The following DNAH11 variants were observed in gnomAD, a reference collection of about 807,000 sequenced individuals.
DNAH11 encodes the protein dynein axonemal heavy chain 11, also known as axonemal beta dynein heavy chain 11.
Under a neutral mutation model 526.0 loss-of-function variants are expected in DNAH11, and 442 were observed. The observed-to-expected ratio is 0.84, with a 90% CI of 0.78 to 0.91. The LOEUF is 0.91. DNAH11 is among the 40% of genes least tolerant of loss of function. The pLI is 0.00. For synonymous variants in DNAH11, 2,461 were observed against 1,935.9 expected (o/e 1.27, Z -7.12); for missense variants, 6,989 against 5,448.7 (o/e 1.28, Z -8.90).
intron 30 of DNAH11, 35 bp downstream of exon 30, chr7:21,659,066 G>C (rs763132193): frequency 6.8e-7 from 1 of 1,475,388 alleles, no homozygotes; most frequent in South Asian, 1.3e-5. Flanking sequence ...AGACATAAAG[G>C]AACTTCAAGA....
chr7:21,607,026 G>A (rs1423809910), intron 20 of DNAH11, among the ~76,000 whole-genome samples: 2 of 152,116 alleles, frequency 1.3e-5, no homozygotes, highest in Non-Finnish European at 2.9e-5. Flanking sequence ...ACCATCACAA[G>A]GCGAAGTCCC....
Position 21,719,250 on chromosome 7 carries a change from A to G in DNAH11, c.7134+1325A>G, listed in dbSNP as rs17145127. Among the ~76,000 whole-genome samples the G allele has an allele frequency of 9.0e-3, 1,370 of 152,312 alleles. 14 individuals carry two copies. The highest frequency in any genetic ancestry group is 0.016 in the African/African-American group (681 of 41,564). On this transcript the variant is annotated intron_variant, in intron 43 of 81. Coordinates refer to ENST00000409508, the MANE Select transcript of DNAH11 (RefSeq NM_001277115.2). ...TTACTAATAAGTATGGAAATTTGAGACAAAAATGGGTATAAGAAGATAGTG... is the reference window on the plus strand; with the variant it reads ...TTACTAATAAGTATGGAAATTTGAGGCAAAAATGGGTATAAGAAGATAGTG...
intron 1 of DNAH11, among the ~76,000 whole-genome samples, chr7:21,544,735 T>G (rs1322695622): frequency 6.6e-6 from 1 of 152,184 alleles, no homozygotes; most frequent in Non-Finnish European, 1.5e-5. Flanking sequence ...AGATTTTTTT[T>G]TTGGTGTATA....
chr7:21,658,925 T>A lies in DNAH11; in HGVS notation c.5222T>A (p.Val1741Asp), dbSNP rs762918452. The change falls in exon 30 of 82, where the codon GTT (valine) becomes GAT (aspartate). Residue 1741 changes from valine (V) to aspartate (D), a missense_variant. Transcript: ENST00000409508. Reference sequence around the variant, plus strand: ...TGGATTTTTGATTTCCCAGCTCAGGTTGCACTAACCAGCTCACAAATATGG... The same window carrying A: ...TGGATTTTTGATTTCCCAGCTCAGGATGCACTAACCAGCTCACAAATATGG... ...ELWIFDFPAQ[V>D]ALTSSQIWWT... The A allele has an allele frequency of 1.2e-6, 2 of 1,610,706 alleles. No individual in the cohort carries two copies. The highest frequency in any genetic ancestry group is 1.7e-6 in the Non-Finnish European group (2 of 1,178,596).
intron 14 of DNAH11, among the ~76,000 whole-genome samples, chr7:21,592,762 G>A (rs1460904165): frequency 2.0e-5 from 3 of 152,210 alleles, no homozygotes; most frequent in Non-Finnish European, 2.9e-5. Context: ...AATTTGCTTT[G>A]AGGAATCAGA....
At chr7:21,597,587 AG>A (rs1467928904) in intron 14 of DNAH11, among the ~76,000 whole-genome samples, 3 of 152,148 alleles carry the variant, frequency 2.0e-5, no homozygotes, top group Non-Finnish European at 4.4e-5. Context: ...GAGAGAGCAA[AG>A]GGGAAGAAAC....
chr7:21,899,302 C>G (rs767126011), intron 79 of DNAH11, 34 bp from the exon 80 acceptor site: 2 of 1,559,032 alleles, frequency 1.3e-6, no homozygotes, highest in Non-Finnish European at 1.8e-6. Flanking sequence ...TTTTACTGAA[C>G]AGCAAGTTTT....
Position 21,742,646 on chromosome 7 carries a change from C to G in DNAH11, c.8154+480C>G, listed in dbSNP as rs555561324. Among the ~76,000 whole-genome samples the G allele has an allele frequency of 2.0e-5, 3 of 152,272 alleles. No homozygotes were observed. In the South Asian group the frequency reaches 6.2e-4, roughly 32 times the overall value. Reference sequence around the variant, plus strand: ...AGGGGGCACACATCCAAACCATTACCATACTGTTAACGGTGTTCCTTTATA... The same window carrying G: ...AGGGGGCACACATCCAAACCATTACGATACTGTTAACGGTGTTCCTTTATA... On this transcript the variant is annotated intron_variant, in intron 49 of 81. Coordinates refer to ENST00000409508, the MANE Select transcript of DNAH11 (RefSeq NM_001277115.2).
intron 28 of DNAH11, among the ~76,000 whole-genome samples, chr7:21,647,873 T>C (rs370968538): frequency 2.6e-5 from 4 of 152,154 alleles, no homozygotes; most frequent in Non-Finnish European, 5.9e-5. Context: ...TAAGATTTCA[T>C]CACCACCAGA....
chr7:21,546,107 T>C (rs1260511341), intron 2 of DNAH11, among the ~76,000 whole-genome samples: 5 of 152,208 alleles, frequency 3.3e-5, no homozygotes, highest in African/African-American at 1.2e-4. Flanking sequence ...AGTGTAGTCC[T>C]GCCAAGGCCG....
chr7:21,559,482 G>A lies in DNAH11; in HGVS notation c.693-121G>A, dbSNP rs887408100. 9 of 813,232 alleles carry A rather than the reference G, an allele frequency of 1.1e-5. No individual in the cohort carries two copies. The African/African-American group carries it at 1.4e-4, about 13-fold the overall frequency. 50.4% of individuals were successfully genotyped at this position (813,232 alleles called of 1,614,324 possible). On this transcript the variant is annotated intron_variant, in intron 3 of 81. Coordinates refer to ENST00000409508, the MANE Select transcript of DNAH11 (RefSeq NM_001277115.2). ...CTCAAATCAAGACCATAAAAATAAT[G>A]GATTTTCAAGAATTTATTTTTAGGA...
At position 21,867,985 on chromosome 7, in the gene DNAH11, C is replaced by T. The variant is rs765530942; in HGVS notation, c.11817C>T (p.Ala3939=). 3.2e-6 allele frequency: 5 copies of T among 1,551,664 alleles called. No individual in the cohort carries two copies. The highest frequency in any genetic ancestry group is 4.4e-6 in the Non-Finnish European group (5 of 1,146,624). The stretch of plus-strand genomic sequence containing the variant: ...TCATCCTGTCTCCGGGGGTAGATGC[C>T]CTTAAAGACCTGGAGATTCTTGGTG... ...IFFILSPGVD[A]LKDLEILGKR... is the part of the protein sequence containing the mutation. The change falls in exon 72 of 82, where the codon GCC becomes GCT. Residue 3939 remains alanine, a synonymous_variant. Coordinates refer to ENST00000409508, the MANE Select transcript of DNAH11 (RefSeq NM_001277115.2).
chr7:21,703,169 G>T (rs1784132751), intron 37 of DNAH11, among the ~76,000 whole-genome samples: 1 of 152,166 alleles, frequency 6.6e-6, no homozygotes, highest in African/African-American at 2.4e-5. Flanking sequence ...CATAATGGGA[G>T]AAAGAGCATC....
At chr7:21,556,216 AT>A (rs1245642897) in intron 2 of DNAH11, among the ~76,000 whole-genome samples, 1 of 152,058 alleles carries the variant, frequency 6.6e-6, no homozygotes, top group African/African-American at 2.4e-5. Flanking sequence ...GGGCTGACCC[AT>A]TCTCTACATT....
intron 65 of DNAH11, among the ~76,000 whole-genome samples, chr7:21,837,999 T>C (rs1013695420): frequency 1.3e-5 from 2 of 152,182 alleles, no homozygotes; most frequent in Non-Finnish European, 2.9e-5. Context: ...AAGTCAGTCA[T>C]ACACATCCTG....
Position 21,581,965 on chromosome 7 carries a change from G to T in DNAH11, c.1654G>T (p.Gly552Trp), listed in dbSNP as rs1784324129. 6.2e-7 allele frequency: 1 copy of T among 1,613,326 alleles called. No individual in the cohort carries two copies. Among genetic ancestry groups the T allele is most frequent in the Non-Finnish European group, 8.5e-7 (1 of 1,179,458 alleles). The change falls in exon 9 of 82, where the codon GGG (glycine) becomes TGG (tryptophan). Residue 552 changes from glycine to tryptophan, a missense_variant. By Grantham distance (184) the Gly-to-Trp change is radical. Coordinates refer to ENST00000409508, the MANE Select transcript of DNAH11 (RefSeq NM_001277115.2). ...SKTLEFDRRL[G>W]TIICEAFFNC... Reference sequence around the variant, plus strand: ...AACTCTGGAATTTGACAGAAGGCTTGGGACAATTATTTGTGAAGCTTTCTT... The same window carrying T: ...AACTCTGGAATTTGACAGAAGGCTTTGGACAATTATTTGTGAAGCTTTCTT...
chr7:21,645,355 A>G (rs1196543959), intron 28 of DNAH11, among the ~76,000 whole-genome samples: 1 of 152,208 alleles, frequency 6.6e-6, no homozygotes, highest in Non-Finnish European at 1.5e-5. Context: ...TGGATAAAAT[A>G]TTTAACTGAA....
Position 21,555,653 on chromosome 7 carries a change from T to C in DNAH11, c.496-3149T>C, listed in dbSNP as rs1266109360. The stretch of plus-strand genomic sequence containing the variant: ...TGCCCAACCACCAAGGCAGTACCTA[T>C]AGTCCAATTTTCCTCCCTTGGCTTG... On this transcript the variant is annotated intron_variant, in intron 2 of 81. Transcript: ENST00000409508. Among the ~76,000 whole-genome samples, 5 of 152,310 alleles carry C rather than the reference T, an allele frequency of 3.3e-5. No individual in the cohort carries two copies. The East Asian group carries it at 9.6e-4, about 29-fold the overall frequency.
At chr7:21,846,928 G>C (rs571613574) in intron 66 of DNAH11, among the ~76,000 whole-genome samples, 5 of 152,084 alleles carry the variant, frequency 3.3e-5, no homozygotes, top group African/African-American at 1.2e-4. Context: ...GGTAGATTCT[G>C]CCCTCCAAAG....
Sources: allele counts gnomAD v4.1 joint callset (sites outside exome capture counted in the v4.1 genomes callset), GRCh38; gene constraint gnomAD v4.1.1; transcripts MANE v1.5; gene names NCBI Gene and HGNC (gene_info 2026-07-23, HGNC 2026-07-21).